The following ACTR1A variants were observed in gnomAD, a reference collection of about 807,000 sequenced individuals.
The protein encoded by ACTR1A is alpha-centractin.
Under a neutral mutation model 50.7 loss-of-function variants are expected in ACTR1A, and 10 were observed. The observed-to-expected ratio is 0.20, with a 90% CI of 0.12 to 0.33. ACTR1A has a LOEUF of 0.33. Ranked by LOEUF, ACTR1A falls within the 10% of genes least tolerant of loss-of-function variation. The pLI is 1.00. For synonymous variants in ACTR1A, 177 were observed against 184.2 expected (o/e 0.96, Z 0.32); for missense variants, 253 against 491.7 (o/e 0.51, Z 4.59).
At chr10:102,498,228 A>G (rs1039771434) in intron 1 of ACTR1A, among the ~76,000 whole-genome samples, 3 of 152,152 alleles carry the variant, frequency 2.0e-5, no homozygotes, top group African/African-American at 7.2e-5. Context: ...TGGCAACATC[A>G]ATATTTACTA....
intron 6 of ACTR1A, 81 bp downstream of exon 6, chr10:102,484,079 C>T (rs748488545): frequency 2.8e-6 from 4 of 1,418,604 alleles, no homozygotes; most frequent in East Asian, 2.3e-5. Context: ...CTTTGCCTGG[C>T]TTCACTGGCA....
intron 1 of ACTR1A, among the ~76,000 whole-genome samples, chr10:102,493,967 A>G (rs1406255474): frequency 6.6e-6 from 1 of 152,230 alleles, no homozygotes; most frequent in Admixed American, 6.6e-5. Context: ...GCAGCCCCCA[A>G]GCAGGCCTGC....
chr10:102,486,998 C>G (rs7917525), intron 4 of ACTR1A, among the ~76,000 whole-genome samples: 53,153 of 150,988 alleles, frequency 0.35, 9,548 homozygotes, highest in African/African-American at 0.39. Context: ...TTTCGCCATG[C>G]TGCCCAACTT....
intron 1 of ACTR1A, among the ~76,000 whole-genome samples, chr10:102,495,558 G>A (rs1007431289): frequency 2.0e-5 from 3 of 148,814 alleles, no homozygotes; most frequent in Non-Finnish European, 4.5e-5. Flanking sequence ...GACAGTGCGA[G>A]ACTCCATCTA....
intron 4 of ACTR1A, among the ~76,000 whole-genome samples, chr10:102,487,733 G>A (rs1293240769): frequency 1.3e-5 from 2 of 148,762 alleles, no homozygotes; most frequent in African/African-American, 5.0e-5. Flanking sequence ...CCGGGTTCAC[G>A]CCATTCTCCT....
intron 1 of ACTR1A, among the ~76,000 whole-genome samples, chr10:102,495,358 A>G (rs1282357343): frequency 6.6e-6 from 1 of 152,048 alleles, no homozygotes; most frequent in African/African-American, 2.4e-5. Context: ...TCACGAGGTC[A>G]GGAGATTGAG....
rs1318679639 is a variant in ACTR1A, at chr10:102,489,046, G to A, written c.189+17C>T. ...CCTCTGCTGGCTTAAGGCTTGTTCT[G>A]TAGGCCTGGGAATTACCTCAGCTTT... On this transcript the variant is annotated intron_variant, in intron 3 of 10. Transcript: ENST00000369905. 3 of 1,537,242 alleles carry A rather than the reference G, an allele frequency of 2.0e-6. No homozygotes were observed. The East Asian group carries it at 7.6e-5, about 39-fold the overall frequency.
intron 6 of ACTR1A, 48 bp downstream of exon 6, chr10:102,484,112 A>G (rs1350348272): frequency 1.3e-6 from 2 of 1,577,070 alleles, no homozygotes; most frequent in East Asian, 2.2e-5. Context: ...CCTGGGTGCT[A>G]TGCTCCCAAC....
chr10:102,499,948 T>C (rs2062239463), intron 1 of ACTR1A, among the ~76,000 whole-genome samples: 1 of 152,204 alleles, frequency 6.6e-6, no homozygotes, highest in Non-Finnish European at 1.5e-5. Flanking sequence ...AAAAAACATT[T>C]ATTGAGCACA....
In ACTR1A at chr10:102,484,143, C is replaced by G. The variant is rs775366848; in HGVS notation, c.657+17G>C. The G allele has an allele frequency of 1.2e-6, 2 of 1,613,288 alleles. No individual in the cohort carries two copies. Among genetic ancestry groups the G allele is most frequent in the Admixed American group, 3.3e-5 (2 of 60,020 alleles). On this transcript the variant is annotated intron_variant, in intron 6 of 10. Coordinates refer to ENST00000369905, the MANE Select transcript of ACTR1A (RefSeq NM_005736.4). ...CCAACCCCCACTCCATCCCTAGGCC[C>G]AGGGGGCAGCACTTACTTCTTTTAT...
intron 1 of ACTR1A, among the ~76,000 whole-genome samples, chr10:102,491,045 A>G (rs1424747470): frequency 6.6e-6 from 1 of 152,144 alleles, no homozygotes; most frequent in East Asian, 1.9e-4. Context: ...ATTTGAACCT[A>G]GAAAAAGGTA....
chr10:102,479,647 T>C lies in ACTR1A; in HGVS notation c.*1216A>G, dbSNP rs564171699. ...AACCAAGCAGGTCCAAGGTCAAGAA[T>C]GGCACAAGATCAGCCCAGAGGGGGC... On this transcript the variant is annotated 3_prime_UTR_variant, in exon 11 of 11. Transcript: ENST00000369905. The surrounding 1 kb of genome is among the most constrained non-coding windows in gnomAD (Gnocchi z 4.0). 7.8e-7 allele frequency: 1 copy of C among 1,289,494 alleles called. No individual in the cohort carries two copies. The highest frequency in any genetic ancestry group is 1.0e-6 in the Non-Finnish European group (1 of 988,850). 79.9% of individuals were successfully genotyped at this position (1,289,494 alleles called of 1,614,324 possible). A position where few individuals can be genotyped will look rare whatever the true frequency, so the allele number is the denominator to read the frequency against.
chr10:102,484,171 C>T lies in ACTR1A; in HGVS notation c.646G>A (p.Ala216Thr), dbSNP rs1470538847. 6.2e-7 allele frequency: 1 copy of T among 1,614,150 alleles called. No individual in the cohort carries two copies. Among genetic ancestry groups the T allele is most frequent in the South Asian group, 1.1e-5 (1 of 91,084 alleles). The change falls in exon 6 of 11, where the codon GCC becomes ACC. Residue 216 changes from alanine (A) to threonine (T), a missense_variant. By Grantham distance (58) the Ala-to-Thr change is moderately conservative. Around this residue, in one of 4 missense-constraint regions of ACTR1A, gnomAD observed 116 missense variants for 155.9 expected, o/e 0.74. Coordinates refer to ENST00000369905, the MANE Select transcript of ACTR1A (RefSeq NM_005736.4). ...HSSSEFEIVK[A>T]IKERACYLSI... ...GGGGCAGCACTTACTTCTTTTATGG[C>T]CTTGACAATCTCAAACTCAGAGGAT...
chr10:102,502,343 G>A (rs769033031), intron 1 of ACTR1A, among the ~76,000 whole-genome samples: 2 of 152,238 alleles, frequency 1.3e-5, no homozygotes, highest in Non-Finnish European at 2.9e-5. Flanking sequence ...AAGGCCCCTA[G>A]AGCCAAGGGC....
intron 5 of ACTR1A, among the ~76,000 whole-genome samples, chr10:102,485,306 G>A (rs955332612): frequency 2.6e-5 from 4 of 152,212 alleles, no homozygotes; most frequent in South Asian, 2.1e-4. Context: ...GGGGGCCTCC[G>A]GGAAGAGCTG....
intron 1 of ACTR1A, among the ~76,000 whole-genome samples, chr10:102,491,771 C>T (rs1223056653): frequency 6.6e-6 from 1 of 152,060 alleles, no homozygotes; most frequent in Non-Finnish European, 1.5e-5. Flanking sequence ...ACCCTGTCCT[C>T]TTCCTTTTTT....
intron 1 of ACTR1A, among the ~76,000 whole-genome samples, chr10:102,497,325 A>G (rs2062227248): frequency 6.6e-6 from 1 of 152,186 alleles, no homozygotes; most frequent in Non-Finnish European, 1.5e-5. Context: ...TGAAATTGCT[A>G]TAATAAAAAG....
At chr10:102,490,404 G>T (rs2062186570) in intron 2 of ACTR1A, 145 bp downstream of exon 2, 3 of 464,226 alleles carry the variant, frequency 6.5e-6, no homozygotes, top group African/African-American at 2.0e-5. Context: ...TTAAAAAGAG[G>T]CCTCTTATCT....
intron 9 of ACTR1A, 134 bp downstream of exon 9, chr10:102,481,703 C>A (rs1043619418): frequency 6.8e-6 from 7 of 1,036,848 alleles, no homozygotes; most frequent in Non-Finnish European, 1.0e-5. Flanking sequence ...AGTGTACAGG[C>A]TGGGAACCTG....
Sources: allele counts gnomAD v4.1 joint callset (sites outside exome capture counted in the v4.1 genomes callset), GRCh38; gene constraint gnomAD v4.1.1; regional missense constraint gnomAD v4.1.1; non-coding constraint Gnocchi (gnomAD v3.1); transcripts MANE v1.5; gene names NCBI Gene and HGNC (gene_info 2026-07-23, HGNC 2026-07-21).